SUMF1: variants seen among roughly 807,000 people sequenced by gnomAD.
SUMF1 encodes the protein formylglycine-generating enzyme.
In SUMF1, 48 loss-of-function variants were observed where a neutral mutation model predicts 47.6. The observed-to-expected ratio is 1.01, with a 90% CI of 0.80 to 1.28. The LOEUF is 1.28. Among genes scored for constraint, SUMF1 ranks in the 50% most tolerant of loss-of-function variants. The probability of loss-of-function intolerance (pLI) is 0.00; values close to 1 mark genes in which losing one functional copy is unlikely to be tolerated. For synonymous variants in SUMF1, 230 were observed against 192.1 expected (o/e 1.20, Z -1.63); for missense variants, 571 against 485.4 (o/e 1.18, Z -1.66).
At chr3:4,386,838 T>C (rs910906368) in intron 7 of SUMF1, among the ~76,000 whole-genome samples, 2 of 152,012 alleles carry the variant, frequency 1.3e-5, no homozygotes, top group Non-Finnish European at 2.9e-5. Flanking sequence ...GTTAAATGCT[T>C]CTTCTGCACT....
intron 8 of SUMF1, among the ~76,000 whole-genome samples, chr3:4,292,411 G>C (rs1308466150): frequency 6.6e-6 from 1 of 152,112 alleles, no homozygotes; most frequent in Non-Finnish European, 1.5e-5. Context: ...GACAAGAAGG[G>C]GCTTTGCCTA....
intron 8 of SUMF1, among the ~76,000 whole-genome samples, chr3:4,315,490 TA>T (rs1311270401): frequency 7.9e-5 from 12 of 152,126 alleles, no homozygotes; most frequent in African/African-American, 2.9e-4. Context: ...ACTGACTGAA[TA>T]TGGACCCCTG....
chr3:4,093,508 T>C (rs968175158), intron 8 of SUMF1, among the ~76,000 whole-genome samples: 14 of 151,994 alleles, frequency 9.2e-5, no homozygotes, highest in Non-Finnish European at 1.5e-5. Flanking sequence ...ATCACAAAGA[T>C]GGTGAGTATT....
chr3:4,453,592 G>C (rs1206519860), intron 1 of SUMF1, among the ~76,000 whole-genome samples: 1 of 149,798 alleles, frequency 6.7e-6, no homozygotes, highest in African/African-American at 2.5e-5. Flanking sequence ...GGAGTACAGT[G>C]GCACAATCAC....
At chr3:4,262,314 A>G (rs1204956727) in intron 8 of SUMF1, among the ~76,000 whole-genome samples, 1 of 152,078 alleles carries the variant, frequency 6.6e-6, no homozygotes, top group African/African-American at 2.4e-5. Flanking sequence ...CTTATTATAA[A>G]TTCCATCTTC....
At chr3:4,458,690 C>T (rs1205330366) in intron 1 of SUMF1, among the ~76,000 whole-genome samples, 1 of 152,088 alleles carries the variant, frequency 6.6e-6, no homozygotes, top group East Asian at 1.9e-4. Flanking sequence ...CCCGTCTCCA[C>T]TAAAAATACA....
At chr3:4,255,722 C>G (rs1016316198) in intron 8 of SUMF1, among the ~76,000 whole-genome samples, 4 of 136,014 alleles carry the variant, frequency 2.9e-5, no homozygotes, top group Non-Finnish European at 6.3e-5. Flanking sequence ...AGAAAGTCAA[C>G]AAGGATACCC....
chr3:4,389,316 C>T (rs1321324747), intron 7 of SUMF1, among the ~76,000 whole-genome samples: 1 of 149,398 alleles, frequency 6.7e-6, no homozygotes, highest in Admixed American at 6.6e-5. Context: ...ATGGGAAATC[C>T]ATTGTCATTC....
At chr3:4,213,170 G>A (rs1030600631) in intron 8 of SUMF1, among the ~76,000 whole-genome samples, 37 of 152,046 alleles carry the variant, frequency 2.4e-4, no homozygotes, top group African/African-American at 7.7e-4. Flanking sequence ...GAGAAAGGTC[G>A]GGTTACACAC....
intron 8 of SUMF1, among the ~76,000 whole-genome samples, chr3:4,255,971 C>T (rs1165211904): frequency 2.4e-4 from 35 of 145,182 alleles, no homozygotes; most frequent in Non-Finnish European, 4.8e-4. Context: ...TCACTCAAAG[C>T]CGCTCAACTA....
chr3:4,041,584 G>A (rs1483434867), intron 9 of SUMF1, among the ~76,000 whole-genome samples: 1 of 152,194 alleles, frequency 6.6e-6, no homozygotes, highest in African/African-American at 2.4e-5. Flanking sequence ...GATTGTCCCA[G>A]ATAGCTGGCA....
chr3:4,312,895 C>T, intron 8 of SUMF1: 1 of 1,600,034 alleles, frequency 6.2e-7, no homozygotes, highest in East Asian at 2.2e-5. Flanking sequence ...ATATTTTTTA[C>T]AGTACACTCC....
At chr3:4,092,973 G>C (rs1356578754) in intron 8 of SUMF1, among the ~76,000 whole-genome samples, 1 of 152,114 alleles carries the variant, frequency 6.6e-6, no homozygotes, top group Non-Finnish European at 1.5e-5. Context: ...GTTATTCCAT[G>C]AATGTGCCAA....
At position 4,148,320 on chromosome 3, in the gene SUMF1, C is replaced by A. The variant is rs574501487; in HGVS notation, c.1015-79575G>T. On this transcript the variant is annotated intron_variant and NMD_transcript_variant, in intron 8 of 12. Coordinates refer to the SUMF1 transcript ENST00000448413. ...TTTATTGGCAGTTTTCATATAGTTA[C>A]AAGTAGTGTTTCATGGATTGTTTTA... Among the ~76,000 whole-genome samples the A allele has an allele frequency of 4.1e-4, 63 of 152,210 alleles. 1 individual carries two copies. Among genetic ancestry groups the A allele is most frequent in the African/African-American group, 1.3e-3 (55 of 41,528 alleles).
At chr3:4,234,303 T>C (rs989649066) in intron 8 of SUMF1, among the ~76,000 whole-genome samples, 4 of 152,022 alleles carry the variant, frequency 2.6e-5, no homozygotes, top group African/African-American at 9.7e-5. Flanking sequence ...AAGGAACTGA[T>C]TTATCAAAAG....
chr3:4,134,056 C>A (rs536641231), intron 8 of SUMF1, among the ~76,000 whole-genome samples: 10 of 152,194 alleles, frequency 6.6e-5, no homozygotes, highest in Non-Finnish European at 1.3e-4. Flanking sequence ...TTAGACAGAT[C>A]AACGAGACAG....
chr3:4,302,057 T>C (rs1009483243), intron 8 of SUMF1, among the ~76,000 whole-genome samples: 27 of 152,142 alleles, frequency 1.8e-4, no homozygotes, highest in African/African-American at 6.5e-4. Flanking sequence ...TGGAAACACA[T>C]TTAGGCCAAT....
intron 3 of SUMF1, among the ~76,000 whole-genome samples, chr3:4,420,587 A>G (rs532180528): frequency 5.3e-5 from 8 of 152,024 alleles, no homozygotes; most frequent in South Asian, 4.2e-4. Context: ...TACTAGAGAC[A>G]GGGTTTCACT....
At chr3:4,303,646 C>T (rs920891955) in intron 8 of SUMF1, 1 of 1,431,082 alleles carries the variant, frequency 7.0e-7, no homozygotes, top group Non-Finnish European at 9.2e-7. Context: ...TACAGCGCAC[C>T]CGTTGGTGCG....
Sources: gnomAD v4.1 joint callset for allele counts (sites outside exome capture counted in the v4.1 genomes callset) on GRCh38, gnomAD v4.1.1 for gene constraint, MANE v1.5 for transcripts, NCBI Gene and HGNC (gene_info 2026-07-23, HGNC 2026-07-21) for gene names.